COL6A3: variants seen among roughly 807,000 people sequenced by gnomAD.
The protein encoded by COL6A3 is collagen type VI alpha 3 chain.
In COL6A3, 137 loss-of-function variants were observed where a neutral mutation model predicts 274.1. The observed-to-expected ratio is 0.50, with a 90% CI of 0.44 to 0.58. The LOEUF is 0.58. Among genes scored for constraint, COL6A3 ranks in the 20% least tolerant of loss-of-function variants. The probability of loss-of-function intolerance (pLI) is 0.00; values close to 1 mark genes in which losing one functional copy is unlikely to be tolerated. For synonymous variants in COL6A3, 1,650 were observed against 1,650.6 expected, an observed-to-expected ratio of 1.00 and a Z score of 0.01; for missense variants, 3,950 against 4,124.9, an observed-to-expected ratio of 0.96 and a Z score of 1.16.
Position 237,387,842 on chromosome 2 carries a change from A to T in COL6A3, c.1052T>A (p.Val351Asp), listed in dbSNP as rs1400127941. The T allele has an allele frequency of 6.2e-7, 1 of 1,614,160 alleles. No individual in the cohort carries two copies. Among genetic ancestry groups the T allele is most frequent in the Non-Finnish European group, 8.5e-7 (1 of 1,180,014 alleles). ...ACTAGAAGGCCCGGCACTTATGAGG[A>T]CCAGCACCTGGGGAACCCCTTCCTC... ...RVEEGVPQVLVLISAGPSSDE... is the reference protein window; with the variant it reads ...RVEEGVPQVLDLISAGPSSDE... Residue 351 changes from valine (V) to aspartate (D), a missense_variant, in exon 4 of 44, where the codon GTC becomes GAC. Physicochemically the swap from Val to Asp is radical, Grantham distance 152 (BLOSUM62 -3). Around this residue, in one of 5 missense-constraint regions of COL6A3, gnomAD observed 1,934 missense variants for 1,984.3 expected, o/e 0.97. Coordinates refer to ENST00000295550, the MANE Select transcript of COL6A3 (RefSeq NM_004369.4).
At chr2:237,406,585 G>A (rs1016864476) in intron 1 of COL6A3, among the ~76,000 whole-genome samples, 4 of 151,422 alleles carry the variant, frequency 2.6e-5, no homozygotes, top group African/African-American at 9.7e-5. Flanking sequence ...CCTTTGCCAC[G>A]CCCATTCCTA....
chr2:237,374,964 C>A lies in COL6A3; in HGVS notation c.3127G>T (p.Gly1043Cys), dbSNP rs748313591. ...LLDGSEGVRS[G>C]FPLLKEFVQR... is the part of the protein sequence containing the mutation. ...ACAAACTCTTTCAACAGAGGGAAGC[C>A]GCTCCTGACGCCCTCAGAGCCATCA... The change falls in exon 8 of 44, where the codon GGC (glycine) becomes TGC (cysteine). Residue 1043 changes from glycine (G) to cysteine (C), a missense_variant. Gly to Cys is a radical substitution (Grantham distance 159). Coordinates refer to ENST00000295550, the MANE Select transcript of COL6A3 (RefSeq NM_004369.4). The surrounding 1 kb of genome is among the most constrained non-coding windows in gnomAD (Gnocchi z 4.8). The A allele has an allele frequency of 6.2e-7, 1 of 1,613,902 alleles. No homozygotes were observed. The highest frequency in any genetic ancestry group is 1.1e-5 in the South Asian group (1 of 91,066).
At chr2:237,353,803 C>G (rs569443079) in intron 24 of COL6A3, among the ~76,000 whole-genome samples, 17 of 152,276 alleles carry the variant, frequency 1.1e-4, no homozygotes, top group African/African-American at 4.1e-4. Flanking sequence ...CAAGTCCCCA[C>G]TGGGCACCAT....
chr2:237,377,209 G>C lies in COL6A3; in HGVS notation c.2633C>G (p.Ala878Gly), dbSNP rs1326943912. The change falls in exon 7 of 44, where the codon GCT (alanine) becomes GGT (glycine). Residue 878 changes from alanine (A) to glycine (G), a missense_variant. This residue lies in a region of COL6A3 where 1,934 missense variants were observed against 1,984.3 expected (regional missense o/e 0.97). Transcript: ENST00000295550. ...CACCTTGACATCATCGCTGTACTGA[G>C]CCACCGCAATTCGGGTCCCCTCTGG... is the stretch of plus-strand genomic sequence containing the variant. Reference protein sequence around the residue: ...VKPEGTRIAVAQYSDDVKVES... With the variant: ...VKPEGTRIAVGQYSDDVKVES... The C allele has an allele frequency of 3.7e-6, 6 of 1,613,674 alleles. No homozygotes were observed. In the Admixed American group the frequency reaches 6.7e-5, roughly 18 times the overall value.
Position 237,367,121 on chromosome 2 carries a change from T to C in COL6A3, c.5066A>G (p.Asp1689Gly). Reference protein sequence around the residue: ...GLVQYNSDPTDEFFLKDFSTK... With the variant: ...GLVQYNSDPTGEFFLKDFSTK... ...AGAGAAGTCCTTCAGGAAGAATTCG[T>C]CAGTGGGGTCAGAGTTGTACTGGAC... is the stretch of plus-strand genomic sequence containing the variant. The change falls in exon 11 of 44, where the codon GAC becomes GGC. Residue 1689 changes from aspartate to glycine, a missense_variant. Physicochemically the swap from Asp to Gly is moderately conservative, Grantham distance 94. This residue lies in a region of COL6A3 where 632 missense variants were observed against 623.4 expected (regional missense o/e 1.01). Transcript: ENST00000295550. 6.2e-7 allele frequency: 1 copy of C among 1,614,188 alleles called. No homozygotes were observed. The highest frequency in any genetic ancestry group is 8.5e-7 in the Non-Finnish European group (1 of 1,180,022).
At chr2:237,403,621 G>T (rs188031675) in intron 1 of COL6A3, among the ~76,000 whole-genome samples, 1 of 152,098 alleles carries the variant, frequency 6.6e-6, no homozygotes, top group South Asian at 2.1e-4. Context: ...AGCTCAGCCC[G>T]ATTTTTTTTC....
chr2:237,383,789 G>A (rs1003693802), intron 4 of COL6A3, among the ~76,000 whole-genome samples: 6 of 151,866 alleles, frequency 4.0e-5, no homozygotes, highest in East Asian at 1.9e-4. Context: ...ACCCTCCCAC[G>A]TTTTCCCTCC....
At chr2:237,412,590 C>G (rs2078883380) in intron 1 of COL6A3, among the ~76,000 whole-genome samples, 1 of 152,252 alleles carries the variant, frequency 6.6e-6, no homozygotes, top group Non-Finnish European at 1.5e-5. Flanking sequence ...TTTAGCCCAA[C>G]AAAAACCTCA....
chr2:237,337,412 T>G (rs1247767441), intron 39 of COL6A3, among the ~76,000 whole-genome samples: 1 of 152,160 alleles, frequency 6.6e-6, no homozygotes, highest in Non-Finnish European at 1.5e-5. Context: ...CCTAGTGGCC[T>G]TAGCAATGAT....
At chr2:237,324,989 G>C (rs772046223) in intron 43 of COL6A3, among the ~76,000 whole-genome samples, 175 bp from the exon 44 acceptor site, 1 of 152,090 alleles carries the variant, frequency 6.6e-6, no homozygotes, top group Non-Finnish European at 1.5e-5. Context: ...CCTCTGTGAC[G>C]TTCTTGGCCT....
Position 237,388,100 on chromosome 2 carries a change from A to G in COL6A3, c.794T>C (p.Leu265Pro). The G allele has an allele frequency of 6.2e-7, 1 of 1,614,232 alleles. No homozygotes were observed. The highest frequency in any genetic ancestry group is 8.5e-7 in the Non-Finnish European group (1 of 1,180,050). ...SVNFAVILDF[L>P]VNLLEKLPIG... ...TGGGAGTTTCTCAAGGAGATTTACA[A>G]GGAAGTCGAGAATGACTGCGAAATT... The change falls in exon 4 of 44, where the codon CTT becomes CCT. Residue 265 changes from leucine to proline, a missense_variant. Physicochemically the swap from Leu to Pro is moderately conservative, Grantham distance 98. Around this residue, in one of 5 missense-constraint regions of COL6A3, gnomAD observed 1,934 missense variants for 1,984.3 expected, o/e 0.97. Coordinates refer to ENST00000295550, the MANE Select transcript of COL6A3 (RefSeq NM_004369.4).
chr2:237,394,338 T>A (rs1352625287), intron 3 of COL6A3, among the ~76,000 whole-genome samples: 1 of 152,234 alleles, frequency 6.6e-6, no homozygotes, highest in Non-Finnish European at 1.5e-5. Flanking sequence ...AATATTAGAA[T>A]GTGGGTTTTT....
At chr2:237,373,430 A>C (rs776351195) in intron 8 of COL6A3, among the ~76,000 whole-genome samples, 1 of 152,114 alleles carries the variant, frequency 6.6e-6, no homozygotes, top group Non-Finnish European at 1.5e-5. Flanking sequence ...CCTGATCATA[A>C]ATGCTCAGGA....
In COL6A3 at chr2:237,387,962, G is replaced by T; in HGVS notation, c.932C>A (p.Ala311Asp). 1 of 1,614,210 alleles carries T rather than the reference G, an allele frequency of 6.2e-7. No homozygotes were observed. Among genetic ancestry groups the T allele is most frequent in the Non-Finnish European group, 8.5e-7 (1 of 1,180,036 alleles). The change falls in exon 4 of 44, where the codon GCC (alanine) becomes GAC (aspartate). Residue 311 changes from alanine to aspartate, a missense_variant. By Grantham distance (126) the Ala-to-Asp change is moderately radical. Coordinates refer to ENST00000295550, the MANE Select transcript of COL6A3 (RefSeq NM_004369.4). Reference sequence around the variant, plus strand: ...CAACTCCCCACCAGCAAACCCGAGGGCTTTCACTGCACCCAGAACCTGGGC... The same window carrying T: ...CAACTCCCCACCAGCAAACCCGAGGTCTTTCACTGCACCCAGAACCTGGGC... Reference protein sequence around the residue: ...TKAQVLGAVKALGFAGGELAN... With the variant: ...TKAQVLGAVKDLGFAGGELAN...
intron 3 of COL6A3, among the ~76,000 whole-genome samples, chr2:237,390,743 T>C (rs2078267450): frequency 6.6e-6 from 1 of 152,214 alleles, no homozygotes; most frequent in South Asian, 2.1e-4. Context: ...CAAGTTCCCA[T>C]TCTTGTTTCC....
chr2:237,369,699 G>A (rs1240699538), intron 9 of COL6A3, among the ~76,000 whole-genome samples: 4 of 152,226 alleles, frequency 2.6e-5, no homozygotes. Flanking sequence ...GGCAGGGTAC[G>A]TATAACACAG....
rs1218419495 is a variant in COL6A3, at chr2:237,394,735, T to C, written c.561A>G (p.Glu187=). 8 of 1,614,130 alleles carry C rather than the reference T, an allele frequency of 5.0e-6. No homozygotes were observed. The East Asian group carries it at 1.8e-4, about 36-fold the overall frequency. Residue 187 remains glutamate (E), a synonymous_variant, in exon 3 of 44, where the codon GAA becomes GAG. Transcript: ENST00000295550. ...VEDADEGALK[E]IASEPLNMHM... ...GCATATTGAGCGGTTCACTTGCTAT[T>C]TCTTTTAACGCTCCTTCATCTGCAT... is the stretch of plus-strand genomic sequence containing the variant.
At chr2:237,354,443 T>C (rs1355097563) in intron 24 of COL6A3, among the ~76,000 whole-genome samples, 2 of 152,112 alleles carry the variant, frequency 1.3e-5, no homozygotes, top group African/African-American at 2.4e-5. Context: ...CATATCCAAT[T>C]GCTTCCTTCG....
In COL6A3 at chr2:237,324,551, G is replaced by A. The variant is rs1699829035; in HGVS notation, c.*223C>T. 3.6e-6 allele frequency: 2 copies of A among 555,014 alleles called. No homozygotes were observed. Among genetic ancestry groups the A allele is most frequent in the African/African-American group, 1.9e-5 (1 of 53,262 alleles). The allele number at this position is 555,014 out of a possible 1,614,324, so 34.4% of individuals were successfully genotyped here. A position where few individuals can be genotyped will look rare whatever the true frequency, so the allele number is the denominator to read the frequency against. ...GGCTAACTGTTACACAACATTCAAA[G>A]TATTCGAGAGAACTGCCTGGAGACA... On this transcript the variant is annotated 3_prime_UTR_variant, in exon 44 of 44. Transcript: ENST00000295550.
Sources: allele counts gnomAD v4.1 joint callset (sites outside exome capture counted in the v4.1 genomes callset), GRCh38; gene constraint gnomAD v4.1.1; regional missense constraint gnomAD v4.1.1; non-coding constraint Gnocchi (gnomAD v3.1); transcripts MANE v1.5; gene names NCBI Gene and HGNC (gene_info 2026-07-23, HGNC 2026-07-21).